Variants in SEMA3E observed in about 807,000 individuals in gnomAD.
SEMA3E encodes semaphorin 3E, also known as semaphorin-3E.
SEMA3E carries 49 observed loss-of-function variants against 93.6 expected under a neutral mutation model. The observed-to-expected ratio is 0.52, with a 90% CI of 0.42 to 0.66. The LOEUF is 0.66. SEMA3E is among the 30% of genes least tolerant of loss of function. The probability of loss-of-function intolerance (pLI) is 0.00; values close to 1 mark genes in which losing one functional copy is unlikely to be tolerated. For synonymous variants in SEMA3E, 363 were observed against 330.7 expected (o/e 1.10, Z -1.06); for missense variants, 906 against 964.8 (o/e 0.94, Z 0.81).
At chr7:83,530,345 T>C (rs1042983427) in intron 1 of SEMA3E, among the ~76,000 whole-genome samples, 1 of 152,304 alleles carries the variant, frequency 6.6e-6, no homozygotes, top group Non-Finnish European at 1.5e-5. Context: ...TGCCTAAAAA[T>C]ATGTCTTCAG....
intron 1 of SEMA3E, among the ~76,000 whole-genome samples, chr7:83,498,548 G>A (rs995713729): frequency 6.6e-6 from 1 of 151,862 alleles, no homozygotes; most frequent in Non-Finnish European, 1.5e-5. Flanking sequence ...TGCGATCTCG[G>A]CTCACTGCAG....
At chr7:83,412,073 C>T (rs893587985) in intron 5 of SEMA3E, among the ~76,000 whole-genome samples, 3 of 152,124 alleles carry the variant, frequency 2.0e-5, no homozygotes, top group Non-Finnish European at 4.4e-5. Flanking sequence ...AAAGAGACTG[C>T]CATGTAATTC....
At chr7:83,418,840 A>G (rs189410473) in intron 4 of SEMA3E, among the ~76,000 whole-genome samples, 90 of 152,294 alleles carry the variant, frequency 5.9e-4, no homozygotes, top group African/African-American at 2.0e-3. Context: ...AATGTTAAAA[A>G]TGATAGTGGG....
chr7:83,427,213 TTC>T (rs1023385951), intron 4 of SEMA3E, among the ~76,000 whole-genome samples: 5 of 151,904 alleles, frequency 3.3e-5, no homozygotes, highest in South Asian at 4.2e-4. Context: ...TTTTTCTTTT[TTC>T]TTTCTTTCTT....
At chr7:83,638,991 G>A (rs1793936778) in intron 1 of SEMA3E, among the ~76,000 whole-genome samples, 1 of 149,512 alleles carries the variant, frequency 6.7e-6, no homozygotes, top group Non-Finnish European at 1.5e-5. Flanking sequence ...GGCGCCTGTA[G>A]TCCCAGCTAC....
intron 5 of SEMA3E, among the ~76,000 whole-genome samples, chr7:83,410,114 T>C (rs1198447227): frequency 6.6e-6 from 1 of 151,810 alleles, no homozygotes; most frequent in Non-Finnish European, 1.5e-5. Flanking sequence ...TTTTTCTCTG[T>C]TCACAAAATC....
chr7:83,463,457 G>A (rs1237980638), intron 4 of SEMA3E, among the ~76,000 whole-genome samples: 1 of 152,126 alleles, frequency 6.6e-6, no homozygotes, highest in African/African-American at 2.4e-5. Flanking sequence ...TCCTTCAGCT[G>A]TACTCACTCT....
At chr7:83,479,301 C>A (rs1790091906) in intron 2 of SEMA3E, among the ~76,000 whole-genome samples, 1 of 152,178 alleles carries the variant, frequency 6.6e-6, no homozygotes, top group Non-Finnish European at 1.5e-5. Context: ...AACCACTCCT[C>A]CGAAACTTTC....
intron 1 of SEMA3E, among the ~76,000 whole-genome samples, chr7:83,514,568 T>C (rs1790890318): frequency 6.6e-6 from 1 of 152,206 alleles, no homozygotes; most frequent in Non-Finnish European, 1.5e-5. Context: ...CTTTGTTGTT[T>C]AGTGTAACTG....
At chr7:83,527,849 A>T (rs193292384) in intron 1 of SEMA3E, among the ~76,000 whole-genome samples, 1 of 152,194 alleles carries the variant, frequency 6.6e-6, no homozygotes, top group Admixed American at 6.6e-5. Context: ...AATTAATATA[A>T]AAATATTTAC....
At chr7:83,582,825 CAA>C (rs1230752976) in intron 1 of SEMA3E, among the ~76,000 whole-genome samples, 1 of 151,694 alleles carries the variant, frequency 6.6e-6, no homozygotes, top group Non-Finnish European at 1.5e-5. Flanking sequence ...TATACAAACA[CAA>C]ATACACATAT....
intron 4 of SEMA3E, among the ~76,000 whole-genome samples, chr7:83,450,205 T>G (rs1362040915): frequency 1.3e-5 from 2 of 152,142 alleles, no homozygotes; most frequent in Non-Finnish European, 1.5e-5. Context: ...CAAAAATGGT[T>G]TAGCAGTATT....
At position 83,365,651 on chromosome 7, in the gene SEMA3E, T is replaced by C. The variant is rs1214063759; in HGVS notation, c.*1935A>G. 1 of 152,202 alleles carries C rather than the reference T, an allele frequency of 6.6e-6. No individual in the cohort carries two copies. The highest frequency in any genetic ancestry group is 1.5e-5 in the Non-Finnish European group (1 of 68,010). The allele number at this position is 152,202 out of a possible 1,614,324, so 9.4% of individuals were successfully genotyped here. On this transcript the variant is annotated 3_prime_UTR_variant, in exon 17 of 17. Coordinates refer to ENST00000643230, the MANE Select transcript of SEMA3E (RefSeq NM_012431.3). ...CACCATTGTTATCATCATTAACTAC[T>C]TGTCTGTGTTATTGCAATTAAAATG...
In SEMA3E at chr7:83,484,501, C is replaced by G. The variant is rs117870690; in HGVS notation, c.276+5613G>C. Among the ~76,000 whole-genome samples the G allele has an allele frequency of 3.5e-4, 53 of 152,272 alleles. No homozygotes were observed. The East Asian group carries it at 8.7e-3, about 25-fold the overall frequency. On this transcript the variant is annotated intron_variant, in intron 2 of 16. Coordinates refer to ENST00000643230, the MANE Select transcript of SEMA3E (RefSeq NM_012431.3). ...CAATGACCTCGTCCTTCAAATCAGC[C>G]TGAGGTACATGCTCTGATGTTACTT... is the stretch of plus-strand genomic sequence containing the variant.
chr7:83,525,691 T>C (rs1183735755), intron 1 of SEMA3E, among the ~76,000 whole-genome samples: 2 of 152,034 alleles, frequency 1.3e-5, no homozygotes, highest in Admixed American at 1.3e-4. Flanking sequence ...TCTTGTTTCA[T>C]GGATGCAATA....
intron 14 of SEMA3E, among the ~76,000 whole-genome samples, chr7:83,390,531 A>G (rs1240088169): frequency 6.6e-6 from 1 of 152,124 alleles, no homozygotes; most frequent in Admixed American, 6.6e-5. Context: ...CTGTTGACTC[A>G]TTTTCACTCT....
chr7:83,409,376 T>C, intron 5 of SEMA3E, among the ~76,000 whole-genome samples: 1 of 152,150 alleles, frequency 6.6e-6, no homozygotes, highest in Non-Finnish European at 1.5e-5. Context: ...GTCCTGGCCA[T>C]ACCCGGCTCA....
At chr7:83,615,015 T>C (rs1193428789) in intron 1 of SEMA3E, among the ~76,000 whole-genome samples, 2 of 152,188 alleles carry the variant, frequency 1.3e-5, no homozygotes, top group Non-Finnish European at 2.9e-5. Flanking sequence ...GATCATCCAC[T>C]TTAAATAGAG....
At chr7:83,571,994 T>G (rs1384888755) in intron 1 of SEMA3E, among the ~76,000 whole-genome samples, 2 of 152,044 alleles carry the variant, frequency 1.3e-5, no homozygotes, top group Non-Finnish European at 2.9e-5. Context: ...AAAAATGAAA[T>G]ACTTAGGAAT....
Sources: allele counts gnomAD v4.1 joint callset (sites outside exome capture counted in the v4.1 genomes callset), GRCh38; gene constraint gnomAD v4.1.1; transcripts MANE v1.5; gene names NCBI Gene and HGNC (gene_info 2026-07-23, HGNC 2026-07-21).